RBM10: variants seen among roughly 807,000 people sequenced by gnomAD.
RBM10 encodes the protein RNA binding motif protein 10, also known as RNA-binding protein 10.
A neutral mutation model predicts 84.9 loss-of-function variants in RBM10; 1 was observed. That is an observed-to-expected ratio of 0.01 (90% CI 0.00 to 0.06). The LOEUF (loss-of-function observed/expected upper bound fraction) is 0.06. Ranked by LOEUF, RBM10 falls within the 10% of genes least tolerant of loss-of-function variation. The probability of loss-of-function intolerance (pLI) is 1.00; values close to 1 mark genes in which losing one functional copy is unlikely to be tolerated. For missense variants in RBM10, 438 were observed against 839.0 expected (o/e 0.52, Z 5.90); for synonymous variants, 326 against 344.5 (o/e 0.95, Z 0.60).
chrX:47,175,112 A>AGGGGG lies in RBM10; in HGVS notation c.576+20_576+21insGGGGG. Reference sequence around the variant, plus strand: ...AATCAGGTTGCTTTGCCGCACTTGAACCCCCCCCCAAACAAATACTACTTT... The same window carrying AGGGGG: ...AATCAGGTTGCTTTGCCGCACTTGAAGGGGGCCCCCCCCCAAACAAATACTACTTT... On this transcript the variant is annotated intron_variant, in intron 6 of 23. Transcript: ENST00000377604. The AGGGGG allele has an allele frequency of 1.1e-6, 1 of 931,931 alleles. No individual in the cohort carries two copies. The highest frequency in any genetic ancestry group is 2.5e-5 in the African/African-American group (1 of 40,270). The allele number at this position is 931,931 out of a possible 1,213,427, so 76.8% of individuals were successfully genotyped here. A position where few individuals can be genotyped will look rare whatever the true frequency, so the allele number is the denominator to read the frequency against.
At chrX:47,165,876 C>T (rs1182336979) in intron 2 of RBM10, among the ~76,000 whole-genome samples, 4 of 110,107 alleles carry the variant, frequency 3.6e-5, no homozygotes, top group Middle Eastern at 4.7e-3. Flanking sequence ...AAAAATTATC[C>T]GGGCGTGGCT....
intron 2 of RBM10, chrX:47,157,286 C>A: frequency 3.0e-6 from 1 of 329,673 alleles, no homozygotes; most frequent in East Asian, 7.8e-5. Flanking sequence ...ACTTGCTGAC[C>A]ACGAACACCT....
At chrX:47,183,382 G>T (rs924905779) in intron 17 of RBM10, among the ~76,000 whole-genome samples, 1 of 111,040 alleles carries the variant, frequency 9.0e-6, no homozygotes, top group Admixed American at 9.6e-5. Context: ...TTAGCCAGGC[G>T]TGGTGGCAGG....
At chrX:47,157,780 CTTTTTT>C in intron 2 of RBM10, 11 of 311,263 alleles carry the variant, frequency 3.5e-5, no homozygotes, top group East Asian at 1.1e-4. Context: ...AGCTGCATGA[CTTTTTT>C]TTTTTTTTTT....
chrX:47,175,670 G>T (rs979845971), intron 6 of RBM10, among the ~76,000 whole-genome samples: 2 of 110,940 alleles, frequency 1.8e-5, no homozygotes, highest in Non-Finnish European at 3.8e-5. Flanking sequence ...TCACTTCGCC[G>T]CCCCTACCCT....
intron 2 of RBM10, among the ~76,000 whole-genome samples, chrX:47,160,587 TA>T (rs59952208): frequency 1.7e-3 from 169 of 99,736 alleles, no homozygotes; most frequent in Middle Eastern, 5.0e-3. Flanking sequence ...TATTAAAAAG[TA>T]AAAAAAAAAA....
chrX:47,176,423 C>T lies in RBM10; in HGVS notation c.577-77C>T. ...CATCCATCCAGCTGAAGGGCTCGCT[C>T]ACTCTCTTCTCCTATGCTGAAACGG... is the stretch of plus-strand genomic sequence containing the variant. On this transcript the variant is annotated intron_variant, in intron 6 of 23. Coordinates refer to ENST00000377604, the MANE Select transcript of RBM10 (RefSeq NM_005676.5). 1.1e-5 allele frequency: 13 copies of T among 1,198,801 alleles called. No individual in the cohort carries two copies. The South Asian group carries it at 2.0e-4, about 18-fold the overall frequency.
chrX:47,154,440 TTTG>T lies in RBM10; in HGVS notation c.17+6945_17+6947del, dbSNP rs1287424496. Among the ~76,000 whole-genome samples, 133 of 105,667 alleles carry T rather than the reference TTTG, an allele frequency of 1.3e-3. 1 individual carries two copies. Among genetic ancestry groups the T allele is most frequent in the African/African-American group, 4.4e-3 (121 of 27,703 alleles). The allele number at this position is 105,667 out of a possible 115,157, so 91.8% of individuals were successfully genotyped here. Reference sequence around the variant, plus strand: ...GTTCTTGATTTTTTTTCCTTTTTTTTTTGTTTGTTTGTTTGTTTGTTTTTGTTT... The same window carrying T: ...GTTCTTGATTTTTTTTCCTTTTTTTTTTTGTTTGTTTGTTTGTTTTTGTTT... On this transcript the variant is annotated intron_variant, in intron 2 of 23. Transcript: ENST00000377604.
intron 2 of RBM10, among the ~76,000 whole-genome samples, chrX:47,165,208 A>T (rs1934072383): frequency 8.9e-6 from 1 of 111,836 alleles, no homozygotes; most frequent in Non-Finnish European, 1.9e-5. Context: ...ACTTAATGCC[A>T]CTGAATTAGA....
At chrX:47,156,067 C>T (rs1240316938) in intron 2 of RBM10, among the ~76,000 whole-genome samples, 1 of 110,136 alleles carries the variant, frequency 9.1e-6, no homozygotes, top group Non-Finnish European at 1.9e-5. Context: ...CCTCGGCCTC[C>T]CAAAGTGCTC....
At position 47,171,127 on chromosome X, in the gene RBM10, G is replaced by A. The variant is rs1934627625; in HGVS notation, c.301G>A (p.Asp101Asn). The A allele has an allele frequency of 3.3e-6, 4 of 1,210,905 alleles. No homozygotes were observed. Among genetic ancestry groups the A allele is most frequent in the Non-Finnish European group, 4.5e-6 (4 of 895,149 alleles). ...TGPPGFPRDG[D>N]YRDQDYRTEQ... ...CCCGCCAGGCTTCCCCCGAGACGGC[G>A]ACTATCGGGACCAGGACTATCGGAC... The change falls in exon 4 of 24, where the codon GAC (aspartate) becomes AAC (asparagine). Residue 101 changes from aspartate to asparagine, a missense_variant. Asp to Asn is a conservative substitution (Grantham distance 23). Around this residue, in one of 8 missense-constraint regions of RBM10, gnomAD observed 92 missense variants for 134.3 expected, o/e 0.69. Coordinates refer to ENST00000377604, the MANE Select transcript of RBM10 (RefSeq NM_005676.5).
intron 1 of RBM10, among the ~76,000 whole-genome samples, chrX:47,146,705 G>A (rs987203708): frequency 3.6e-5 from 4 of 111,322 alleles, no homozygotes; most frequent in Non-Finnish European, 5.7e-5. Context: ...ACCACCTTAG[G>A]ACCGGGCTGC....
intron 17 of RBM10, among the ~76,000 whole-genome samples, chrX:47,183,880 G>T (rs1434395390): frequency 9.3e-6 from 1 of 108,069 alleles, no homozygotes; most frequent in Non-Finnish European, 1.9e-5. Context: ...TGTAATTTTA[G>T]TAGAGACGGG....
intron 12 of RBM10, among the ~76,000 whole-genome samples, chrX:47,180,964 ACAGCAGAAT>A (rs1210136494): frequency 6.3e-5 from 7 of 111,793 alleles, no homozygotes; most frequent in South Asian, 3.7e-4. Flanking sequence ...CACGCCACAC[ACAGCAGAAT>A]CAGCAGAATC....
intron 2 of RBM10, among the ~76,000 whole-genome samples, chrX:47,155,460 C>T (rs781828255): frequency 1.9e-4 from 21 of 109,762 alleles, no homozygotes; most frequent in Admixed American, 3.9e-4. Flanking sequence ...GGGCCTGGTG[C>T]GGTGGCTCAT....
At position 47,186,348 on chromosome X, in the gene RBM10, C is replaced by T. The variant is rs2147226704; in HGVS notation, c.2628C>T (p.Gly876=). 1 of 1,198,827 alleles carries T rather than the reference C, an allele frequency of 8.3e-7. No homozygotes were observed. Among genetic ancestry groups the T allele is most frequent in the Non-Finnish European group, 1.1e-6 (1 of 888,524 alleles). The change falls in exon 23 of 24, where the codon GGC becomes GGT. Residue 876 remains glycine, a synonymous_variant. Transcript: ENST00000377604. Reference sequence around the variant, plus strand: ...CCATGGGCTGGAAAGAGGGCAGCGGCCTGGGCCGCAAGAAGCAGGGCATTG... The same window carrying T: ...CCATGGGCTGGAAAGAGGGCAGCGGTCTGGGCCGCAAGAAGCAGGGCATTG... ...LQAMGWKEGS[G]LGRKKQGIVT...
intron 7 of RBM10, among the ~76,000 whole-genome samples, chrX:47,177,623 T>C (rs782693824): frequency 7.6e-5 from 7 of 92,706 alleles, no homozygotes; most frequent in Admixed American, 2.1e-4. Flanking sequence ...GGAATTCTCT[T>C]TTTTTTTTTT....
At position 47,185,549 on chromosome X, in the gene RBM10, G is replaced by A. The variant is rs1935841744; in HGVS notation, c.2274G>A (p.Lys758=). ...AGGAGAAGCTCACCGACTGGCAGAA[G>A]CTGGCCTGTCTGCTCTGCCGACGCC... The part of the protein sequence containing the change: ...EREEKLTDWQ[K]LACLLCRRQF... Residue 758 remains lysine, a synonymous_variant, in exon 20 of 24, where the codon AAG becomes AAA. Transcript: ENST00000377604. 1 of 1,194,559 alleles carries A rather than the reference G, an allele frequency of 8.4e-7. No homozygotes were observed. The highest frequency in any genetic ancestry group is 1.1e-6 in the Non-Finnish European group (1 of 886,581).
intron 2 of RBM10, chrX:47,157,583 C>A: frequency 2.2e-6 from 1 of 460,646 alleles, no homozygotes; most frequent in Non-Finnish European, 4.0e-6. Flanking sequence ...AGCGGTCGAG[C>A]AGGGTTCTGA....
Sources: gnomAD v4.1 joint callset for allele counts (sites outside exome capture counted in the v4.1 genomes callset) on GRCh38, gnomAD v4.1.1 for gene constraint, gnomAD v4.1.1 regional missense constraint, MANE v1.5 for transcripts, NCBI Gene and HGNC (gene_info 2026-07-23, HGNC 2026-07-21) for gene names.